MYO6: variants seen among roughly 807,000 people sequenced by gnomAD.
The protein encoded by MYO6 is unconventional myosin-VI.
A neutral mutation model predicts 178.7 loss-of-function variants in MYO6; 74 were observed. The ratio of observed to expected loss-of-function variants is 0.41; its 90% CI spans 0.34 to 0.50. The LOEUF (loss-of-function observed/expected upper bound fraction) is 0.50, where lower values mean the gene tolerates loss of function less well. Ranked by LOEUF, MYO6 falls within the 20% of genes least tolerant of loss-of-function variation. MYO6 has a pLI of 0.09. For missense variants in MYO6, 1,330 were observed against 1,547.4 expected (o/e 0.86, Z 2.36); for synonymous variants, 477 against 504.6 (o/e 0.95, Z 0.73).
intron 20 of MYO6, among the ~76,000 whole-genome samples, chr6:75,878,836 C>T (rs778158014): frequency 6.6e-6 from 1 of 152,150 alleles, no homozygotes; most frequent in Non-Finnish European, 1.5e-5. Context: ...AATAAAAGTC[C>T]TGGCATCACT....
At chr6:75,850,513 T>C (rs1248671530) in intron 11 of MYO6, among the ~76,000 whole-genome samples, 1 of 152,188 alleles carries the variant, frequency 6.6e-6, no homozygotes, top group African/African-American at 2.4e-5. Flanking sequence ...CCCTTCTTTC[T>C]CCCAGGCCAC....
intron 18 of MYO6, chr6:75,867,314 A>G (rs748140216): frequency 1.0e-5 from 5 of 476,272 alleles, no homozygotes; most frequent in Non-Finnish European, 1.9e-5. Flanking sequence ...GAATGTGTTC[A>G]TTCTTGGTTC....
At chr6:75,789,637 A>G (rs1166922976) in intron 1 of MYO6, among the ~76,000 whole-genome samples, 1 of 151,998 alleles carries the variant, frequency 6.6e-6, no homozygotes, top group Non-Finnish European at 1.5e-5. Context: ...TATAATTGAC[A>G]CATAATTGTA....
intron 1 of MYO6, among the ~76,000 whole-genome samples, chr6:75,776,364 A>T (rs929112049): frequency 6.6e-6 from 1 of 152,200 alleles, no homozygotes; most frequent in African/African-American, 2.4e-5. Flanking sequence ...GGGAACTTAT[A>T]ATACTATTTT....
chr6:75,799,381 A>C (rs1380826806), intron 1 of MYO6, among the ~76,000 whole-genome samples: 2 of 137,964 alleles, frequency 1.4e-5, no homozygotes, highest in Non-Finnish European at 3.0e-5. Flanking sequence ...CAAGAGCAAA[A>C]CTCTGTCTAA....
At chr6:75,879,983 C>G in intron 21 of MYO6, 33 bp downstream of exon 21, 2 of 1,613,728 alleles carry the variant, frequency 1.2e-6, no homozygotes, top group Non-Finnish European at 1.7e-6. Context: ...AATTTCTTAG[C>G]TATGAACTTG....
chr6:75,756,594 A>G (rs931361321), intron 1 of MYO6, among the ~76,000 whole-genome samples: 23 of 152,026 alleles, frequency 1.5e-4, no homozygotes, highest in Non-Finnish European at 3.1e-4. Context: ...TCGCCTCCCA[A>G]ACTGCTGAGA....
intron 24 of MYO6, 70 bp downstream of exon 24, chr6:75,886,164 C>A: frequency 1.8e-6 from 2 of 1,098,442 alleles, no homozygotes; most frequent in Non-Finnish European, 2.7e-6. Flanking sequence ...ACAATAAAGT[C>A]ATAATAAAAA....
chr6:75,795,817 A>G (rs920114002), intron 1 of MYO6, among the ~76,000 whole-genome samples: 2 of 152,224 alleles, frequency 1.3e-5, no homozygotes, highest in Non-Finnish European at 2.9e-5. Context: ...TTGGAGGGCA[A>G]GTGATGAATA....
At position 75,802,767 on chromosome 6, in the gene MYO6, A is replaced by G. The variant is rs138783017; in HGVS notation, c.-47-14734A>G. On this transcript the variant is annotated intron_variant, in intron 1 of 34. Transcript: ENST00000369977. ...CTCTCAAAGTTCTGGGATTACAGGC[A>G]TGAGCCACTGCACCTGGTGGAAAAA... Among the ~76,000 whole-genome samples the G allele has an allele frequency of 8.8e-3, 1,341 of 152,248 alleles. 18 individuals carry two copies. Among genetic ancestry groups the G allele is most frequent in the Admixed American group, 0.031 (470 of 15,290 alleles).
At chr6:75,838,148 G>A (rs992901523) in intron 7 of MYO6, among the ~76,000 whole-genome samples, 4 of 151,686 alleles carry the variant, frequency 2.6e-5, no homozygotes, top group Admixed American at 2.0e-4. Flanking sequence ...TGTCTCCCGA[G>A]TTCAAGTGAT....
At chr6:75,856,999 A>G in intron 12 of MYO6, 98 bp from the exon 13 acceptor site, 1 of 1,146,990 alleles carries the variant, frequency 8.7e-7, no homozygotes, top group Non-Finnish European at 1.3e-6. Flanking sequence ...GTAACTCTTT[A>G]TTTTGTTCTT....
At position 75,835,925 on chromosome 6, in the gene MYO6, A is replaced by G. The variant is rs1034447734; in HGVS notation, c.522A>G (p.Thr174=). 4 of 1,606,982 alleles carry G rather than the reference A, an allele frequency of 2.5e-6. No homozygotes were observed. Among genetic ancestry groups the G allele is most frequent in the Admixed American group, 3.3e-5 (2 of 59,996 alleles). The part of the protein sequence containing the change: ...VLRYLTESYG[T]GQDIDDRIVE... ...GATACCTGACTGAATCCTATGGAAC[A>G]GGTCAAGATATTGATGACAGAATTG... The change falls in exon 7 of 35, where the codon ACA becomes ACG. Residue 174 remains threonine, a synonymous_variant. Coordinates refer to ENST00000369977, the MANE Select transcript of MYO6 (RefSeq NM_004999.4).
intron 1 of MYO6, among the ~76,000 whole-genome samples, chr6:75,751,462 G>C (rs988764965): frequency 2.6e-5 from 4 of 152,006 alleles, no homozygotes; most frequent in Non-Finnish European, 5.9e-5. Flanking sequence ...TTAGTGCCTA[G>C]AAACATGAGC....
chr6:75,886,968 A>G lies in MYO6; in HGVS notation c.2632A>G (p.Ile878Val), dbSNP rs754062767. The stretch of plus-strand genomic sequence containing the variant: ...ACAGATCAAGAATCTGGAAATTTCT[A>G]TTGATACTTTGATGGCCAAAATTAA... ...NKQIKNLEIS[I>V]DTLMAKIKST... is the part of the protein sequence containing the mutation. The change falls in exon 25 of 35, where the codon ATT (isoleucine) becomes GTT (valine). Residue 878 changes from isoleucine (I) to valine (V), a missense_variant. Transcript: ENST00000369977. 23 of 1,613,630 alleles carry G rather than the reference A, an allele frequency of 1.4e-5. No homozygotes were observed. The highest frequency in any genetic ancestry group is 1.1e-4 in the East Asian group (5 of 44,818).
At chr6:75,909,442 A>G (rs1410720935) in intron 32 of MYO6, among the ~76,000 whole-genome samples, 2 of 152,232 alleles carry the variant, frequency 1.3e-5, no homozygotes, top group Non-Finnish European at 2.9e-5. Flanking sequence ...GAGAAATATT[A>G]CCTTGCTTCA....
chr6:75,812,856 G>A (rs973979214), intron 1 of MYO6, among the ~76,000 whole-genome samples: 1 of 152,100 alleles, frequency 6.6e-6, no homozygotes, highest in Non-Finnish European at 1.5e-5. Context: ...CTGTTCATGG[G>A]CACTTGGGTT....
intron 1 of MYO6, among the ~76,000 whole-genome samples, chr6:75,769,810 G>T (rs1002149273): frequency 1.1e-4 from 16 of 152,310 alleles, no homozygotes; most frequent in African/African-American, 3.1e-4. Context: ...TGAGGCAGGA[G>T]AATTGCTTGA....
chr6:75,756,119 A>G (rs1409654154), intron 1 of MYO6, among the ~76,000 whole-genome samples: 1 of 152,078 alleles, frequency 6.6e-6, no homozygotes, highest in East Asian at 1.9e-4. Flanking sequence ...CTAGAATTGG[A>G]CACGGTGATG....
Sources: gnomAD v4.1 joint callset for allele counts (sites outside exome capture counted in the v4.1 genomes callset) on GRCh38, gnomAD v4.1.1 for gene constraint, MANE v1.5 for transcripts, NCBI Gene and HGNC (gene_info 2026-07-23, HGNC 2026-07-21) for gene names.